The following BFSP2 variants were observed in gnomAD, a reference collection of about 807,000 sequenced individuals.
The protein encoded by BFSP2 is phakinin.
BFSP2 carries 38 observed loss-of-function variants against 44.9 expected under a neutral mutation model. The ratio of observed to expected loss-of-function variants is 0.85; its 90% CI spans 0.65 to 1.11. The LOEUF (loss-of-function observed/expected upper bound fraction) is 1.11, where lower values mean the gene tolerates loss of function less well. Ranked by LOEUF, BFSP2 falls within the 50% of genes least tolerant of loss-of-function variation. The pLI, the probability that BFSP2 is intolerant of heterozygous loss-of-function variation, is 0.00. For missense variants in BFSP2, 525 were observed against 533.0 expected, an observed-to-expected ratio of 0.99 and a Z score of 0.15; for synonymous variants, 197 against 209.9, an observed-to-expected ratio of 0.94 and a Z score of 0.53.
chr3:133,466,894 G>A lies in BFSP2; in HGVS notation c.958G>A (p.Glu320Lys). The A allele has an allele frequency of 1.9e-5, 31 of 1,614,032 alleles. No individual in the cohort carries two copies. The highest frequency in any genetic ancestry group is 2.5e-5 in the Non-Finnish European group (30 of 1,179,976). ...GAAGCTGGCAGCTGCCCTCAGGGTGGAGTTACACAACACTTCGTGCCAAGT... is the reference window on the plus strand; with the variant it reads ...GAAGCTGGCAGCTGCCCTCAGGGTGAAGTTACACAACACTTCGTGCCAAGT... ...EEKLAAALRV[E>K]LHNTSCQVQS... The change falls in exon 5 of 7, where the codon GAG (glutamate) becomes AAG (lysine). Residue 320 changes from glutamate (E) to lysine (K), a missense_variant. Transcript: ENST00000302334.
intron 1 of BFSP2, among the ~76,000 whole-genome samples, chr3:133,409,771 G>T (rs1019249129): frequency 1.3e-5 from 2 of 152,176 alleles, no homozygotes; most frequent in African/African-American, 4.8e-5. Context: ...AGGTGAACAA[G>T]AAGACATCCA....
chr3:133,450,717 ATAAAC>A (rs1189982446), intron 4 of BFSP2, among the ~76,000 whole-genome samples: 1 of 152,254 alleles, frequency 6.6e-6, no homozygotes, highest in Non-Finnish European at 1.5e-5. Context: ...ACTGAAGAGC[ATAAAC>A]TAGTGCACTG....
intron 1 of BFSP2, among the ~76,000 whole-genome samples, chr3:133,406,876 A>T (rs2073409290): frequency 6.6e-6 from 1 of 152,216 alleles, no homozygotes; most frequent in Admixed American, 6.5e-5. Context: ...AAAAAATAAG[A>T]TGATTTAGTG....
chr3:133,440,872 T>G (rs1234638502), intron 1 of BFSP2, among the ~76,000 whole-genome samples: 1 of 152,064 alleles, frequency 6.6e-6, no homozygotes, highest in Non-Finnish European at 1.5e-5. Flanking sequence ...GGCTCAGAAG[T>G]GTATTGTGGC....
chr3:133,447,296 T>C (rs1156347863), intron 1 of BFSP2, 21 bp from the exon 2 acceptor site: 14 of 1,613,442 alleles, frequency 8.7e-6, no homozygotes, highest in Non-Finnish European at 1.2e-5. Context: ...TTGTCTCCTT[T>C]GGTGTGTGTG....
At chr3:133,414,274 CTCACCT>C in intron 1 of BFSP2, among the ~76,000 whole-genome samples, 1 of 44,576 alleles carries the variant, frequency 2.2e-5, no homozygotes, top group African/African-American at 1.3e-4. Flanking sequence ...ACCCCGTCCT[CTCACCT>C]TACTCACCCC....
chr3:133,437,773 T>A (rs1254152942), intron 1 of BFSP2, among the ~76,000 whole-genome samples: 2 of 152,154 alleles, frequency 1.3e-5, no homozygotes, highest in Admixed American at 6.5e-5. Context: ...AGGCCTGCCC[T>A]GGAGAGGGAG....
intron 4 of BFSP2, among the ~76,000 whole-genome samples, chr3:133,454,505 C>T (rs2073995444): frequency 6.6e-6 from 1 of 152,208 alleles, no homozygotes; most frequent in African/African-American, 2.4e-5. Context: ...GTTAAGGGCT[C>T]AGTCCCATAA....
chr3:133,460,897 G>A (rs747323235), intron 4 of BFSP2, among the ~76,000 whole-genome samples: 15 of 152,226 alleles, frequency 9.9e-5, no homozygotes, highest in African/African-American at 2.4e-4. Flanking sequence ...CAGAGTGCTC[G>A]AGTGACTTGC....
chr3:133,469,474 C>T (rs983273733), intron 5 of BFSP2, among the ~76,000 whole-genome samples: 2 of 152,238 alleles, frequency 1.3e-5, no homozygotes, highest in East Asian at 1.9e-4. Context: ...ACCTGCTGAA[C>T]TCTGTGTCCA....
At chr3:133,417,811 T>C (rs1220314255) in intron 1 of BFSP2, among the ~76,000 whole-genome samples, 1 of 130,634 alleles carries the variant, frequency 7.7e-6, no homozygotes, top group Non-Finnish European at 1.6e-5. Context: ...CTCTCCATTT[T>C]ACTCACCCCT....
rs2074037668 is a variant in BFSP2, at chr3:133,458,957, G to A, written c.892-7871G>A. 3.3e-5 allele frequency among the ~76,000 whole-genome samples: 5 copies of A among 152,278 alleles called. 1 individual carries two copies. The South Asian group carries it at 1.0e-3, about 32-fold the overall frequency. On this transcript the variant is annotated intron_variant, in intron 4 of 6. Coordinates refer to ENST00000302334, the MANE Select transcript of BFSP2 (RefSeq NM_003571.4). ...TGATGCTATGGTTCCTGAAGTCCCT[G>A]ACTTCAAAGAACGCTCGTCCCAGAC...
intron 1 of BFSP2, among the ~76,000 whole-genome samples, chr3:133,433,501 T>G (rs1227101018): frequency 6.6e-6 from 1 of 152,176 alleles, no homozygotes; most frequent in Non-Finnish European, 1.5e-5. Flanking sequence ...CACCCAGGAC[T>G]GGCAAATTAG....
At chr3:133,454,192 T>C (rs2073992230) in intron 4 of BFSP2, among the ~76,000 whole-genome samples, 1 of 152,164 alleles carries the variant, frequency 6.6e-6, no homozygotes, top group Non-Finnish European at 1.5e-5. Context: ...CTGTGGCATG[T>C]GCCTGTAGTC....
intron 1 of BFSP2, among the ~76,000 whole-genome samples, chr3:133,416,123 TCA>T (rs2073525264): frequency 7.4e-6 from 1 of 134,920 alleles, no homozygotes; most frequent in East Asian, 2.5e-4. Context: ...ACCCGTTCTC[TCA>T]CTCTACTCAC....
chr3:133,436,982 C>T (rs953653686), intron 1 of BFSP2, among the ~76,000 whole-genome samples: 8 of 152,230 alleles, frequency 5.3e-5, no homozygotes, highest in Non-Finnish European at 1.2e-4. Flanking sequence ...ATATGTGCCA[C>T]ATTTTCTTAA....
At chr3:133,456,244 T>C (rs1482639764) in intron 4 of BFSP2, among the ~76,000 whole-genome samples, 1 of 152,210 alleles carries the variant, frequency 6.6e-6, no homozygotes, top group African/African-American at 2.4e-5. Context: ...CATGCCTTCA[T>C]GTCACATGTC....
Position 133,400,288 on chromosome 3 carries a change from T to G in BFSP2, c.205T>G (p.Leu69Val). The change falls in exon 1 of 7, where the codon TTG becomes GTG. Residue 69 changes from leucine to valine, a missense_variant. Leu to Val is a conservative substitution (Grantham distance 32). Transcript: ENST00000302334. This position sits in a 1 kb window ranked among gnomAD's most constrained non-coding sequence, Gnocchi z 4.0. ...AGCACCCAGTGGGTGCATAGGTGGC[T>G]TGGGTGCCCGTGTGACCCGCCGGGC... ...GTAPSGCIGG[L>V]GARVTRRALG... The G allele has an allele frequency of 6.2e-7, 1 of 1,614,034 alleles. No individual in the cohort carries two copies. The highest frequency in any genetic ancestry group is 8.5e-7 in the Non-Finnish European group (1 of 1,180,018).
At chr3:133,409,489 T>G (rs2073430773) in intron 1 of BFSP2, among the ~76,000 whole-genome samples, 1 of 152,180 alleles carries the variant, frequency 6.6e-6, no homozygotes, top group South Asian at 2.1e-4. Flanking sequence ...ATGGCCAACT[T>G]AGCGACAATG....
Sources: gnomAD v4.1 joint callset for allele counts (sites outside exome capture counted in the v4.1 genomes callset) on GRCh38, gnomAD v4.1.1 for gene constraint, Gnocchi (gnomAD v3.1) non-coding constraint, MANE v1.5 for transcripts, NCBI Gene and HGNC (gene_info 2026-07-23, HGNC 2026-07-21) for gene names.